GFRA2: variants seen among roughly 807,000 people sequenced by gnomAD.
GFRA2 encodes GDNF family receptor alpha-2.
In GFRA2, 17 loss-of-function variants were observed where a neutral mutation model predicts 48.3. The observed-to-expected ratio is 0.35, with a 90% confidence interval of 0.24 to 0.53. The LOEUF (loss-of-function observed/expected upper bound fraction) is 0.53. Ranked by LOEUF, GFRA2 falls within the 20% of genes least tolerant of loss-of-function variation. The pLI is 0.93. For missense variants in GFRA2, 660 were observed against 637.3 expected (o/e 1.04, Z -0.38); for synonymous variants, 305 against 257.2 (o/e 1.19, Z -1.78).
chr8:21,728,265 GTT>G (rs34490346), intron 4 of GFRA2, among the ~76,000 whole-genome samples: 7 of 65,308 alleles, frequency 1.1e-4, no homozygotes, highest in Admixed American at 2.6e-4. Flanking sequence ...CGGGAACCAG[GTT>G]TTTTTTTTTT....
chr8:21,695,935 C>G (rs972521415), intron 7 of GFRA2, among the ~76,000 whole-genome samples: 1 of 152,096 alleles, frequency 6.6e-6, no homozygotes, highest in South Asian at 2.1e-4. Context: ...TCACTTCCTA[C>G]TCTCATTGTT....
At chr8:21,727,287 G>A (rs933938919) in intron 4 of GFRA2, among the ~76,000 whole-genome samples, 1 of 152,214 alleles carries the variant, frequency 6.6e-6, no homozygotes, top group East Asian at 1.9e-4. Context: ...AGGCTCTGTT[G>A]CCATCTGGAG....
At position 21,750,362 on chromosome 8, in the gene GFRA2, G is replaced by A. The variant is rs1389058984; in HGVS notation, c.794+226C>T. Among the ~76,000 whole-genome samples the A allele has an allele frequency of 6.6e-6, 1 of 152,230 alleles. No individual in the cohort carries two copies. Among genetic ancestry groups the A allele is most frequent in the East Asian group, 1.9e-4 (1 of 5,196 alleles). On this transcript the variant is annotated intron_variant, in intron 4 of 8. Transcript: ENST00000524240. The surrounding 1 kb of genome is among the most constrained non-coding windows in gnomAD (Gnocchi z 5.7). Reference sequence around the variant, plus strand: ...AATGATAAACCTGTTCTGAGTGAATGAATGAACAAATGAATGAATAAAGAA... The same window carrying A: ...AATGATAAACCTGTTCTGAGTGAATAAATGAACAAATGAATGAATAAAGAA...
At chr8:21,800,807 T>A (rs1807756909) in intron 2 of GFRA2, among the ~76,000 whole-genome samples, 1 of 151,930 alleles carries the variant, frequency 6.6e-6, no homozygotes, top group Non-Finnish European at 1.5e-5. Flanking sequence ...ACACCAGTAG[T>A]CTCAGCTACT....
At chr8:21,737,543 A>G (rs1804529968) in intron 4 of GFRA2, among the ~76,000 whole-genome samples, 1 of 151,968 alleles carries the variant, frequency 6.6e-6, no homozygotes, top group African/African-American at 2.4e-5. Flanking sequence ...CTGCCTGTTC[A>G]GTGTCTTCCA....
chr8:21,787,567 G>T (rs1401210243), intron 1 of GFRA2, among the ~76,000 whole-genome samples: 2 of 152,174 alleles, frequency 1.3e-5, no homozygotes, highest in Non-Finnish European at 2.9e-5. Context: ...CGCGGGCTCC[G>T]TTTGCCAGGC....
intron 4 of GFRA2, among the ~76,000 whole-genome samples, chr8:21,741,538 G>A (rs940163703): frequency 6.6e-6 from 1 of 152,070 alleles, no homozygotes; most frequent in African/African-American, 2.4e-5. Context: ...AGCTCCAAGG[G>A]GGCAGAGACC....
At chr8:21,703,046 C>T in intron 6 of GFRA2, 69 bp from the exon 7 acceptor site, 1 of 985,294 alleles carries the variant, frequency 1.0e-6, no homozygotes, top group South Asian at 1.7e-5. Flanking sequence ...CCCTGCTCCT[C>T]ACACTCTTCA....
chr8:21,782,336 C>A (rs1807035736), intron 2 of GFRA2, among the ~76,000 whole-genome samples: 1 of 150,370 alleles, frequency 6.7e-6, no homozygotes, highest in Non-Finnish European at 1.5e-5. Flanking sequence ...CCTCCCACCA[C>A]CTCCCTCTCT....
intron 4 of GFRA2, among the ~76,000 whole-genome samples, chr8:21,714,531 C>G (rs543950713): frequency 3.3e-5 from 5 of 152,028 alleles, no homozygotes; most frequent in African/African-American, 1.2e-4. Flanking sequence ...AATTCCAGGC[C>G]TGACTGAAGT....
Position 21,782,631 on chromosome 8 carries a change from C to A in GFRA2, c.309G>T (p.Leu103=). Residue 103 remains leucine (L), a synonymous_variant, in exon 2 of 9, where the codon CTG becomes CTT. Coordinates refer to ENST00000524240, the MANE Select transcript of GFRA2 (RefSeq NM_001495.5). The part of the protein sequence containing the change: ...CRCKRGMKKE[L]QCLQIYWSIH... ...TGCTCCAGTAGATCTGCAGACACTG[C>A]AGCTCCTTCTTCATGCCCCGCTTGC... is the stretch of plus-strand genomic sequence containing the variant. The A allele has an allele frequency of 3.2e-6, 5 of 1,586,066 alleles. No homozygotes were observed. The highest frequency in any genetic ancestry group is 4.3e-6 in the Non-Finnish European group (5 of 1,166,770).
intron 2 of GFRA2, among the ~76,000 whole-genome samples, chr8:21,776,247 C>A (rs1184992454): frequency 6.6e-6 from 1 of 152,086 alleles, no homozygotes; most frequent in Non-Finnish European, 1.5e-5. Flanking sequence ...ACTCAACTAG[C>A]CCCCTGCAGG....
upstream of GFRA2, chr8:21,789,257 G>T (rs1807445165): frequency 6.5e-6 from 1 of 153,506 alleles, no homozygotes. Context: ...CTACGGCTCG[G>T]GCTCGAACCC....
At chr8:21,746,547 A>T (rs1231744544) in intron 4 of GFRA2, among the ~76,000 whole-genome samples, 1 of 152,114 alleles carries the variant, frequency 6.6e-6, no homozygotes, top group Non-Finnish European at 1.5e-5. Flanking sequence ...CCATGTACCT[A>T]ATTCAATAAT....
intron 7 of GFRA2, among the ~76,000 whole-genome samples, chr8:21,701,117 G>T (rs139210291): frequency 6.6e-6 from 1 of 152,226 alleles, no homozygotes; most frequent in Non-Finnish European, 1.5e-5. Flanking sequence ...ACATTGTGCC[G>T]GGCGCGGGGG....
intron 4 of GFRA2, among the ~76,000 whole-genome samples, chr8:21,744,126 C>G (rs1200204725): frequency 1.3e-5 from 2 of 152,148 alleles, no homozygotes; most frequent in African/African-American, 4.8e-5. Flanking sequence ...CCCAAGGAGC[C>G]AAGAATCAAA....
At chr8:21,715,546 A>T (rs1355026862) in intron 4 of GFRA2, among the ~76,000 whole-genome samples, 2 of 152,104 alleles carry the variant, frequency 1.3e-5, no homozygotes, top group East Asian at 3.9e-4. Context: ...TGACCTCATG[A>T]TCCACCTGCC....
intron 2 of GFRA2, among the ~76,000 whole-genome samples, chr8:21,796,510 A>AC (rs1807680522): frequency 6.6e-6 from 1 of 152,218 alleles, no homozygotes; most frequent in Non-Finnish European, 1.5e-5. Context: ...CGACTGCAGG[A>AC]CCCAGAGGGC....
intron 4 of GFRA2, among the ~76,000 whole-genome samples, chr8:21,727,860 G>C (rs954919122): frequency 8.5e-5 from 13 of 152,120 alleles, no homozygotes; most frequent in Non-Finnish European, 1.6e-4. Flanking sequence ...AAACAAACGG[G>C]GGTTATTTTC....
Sources: gnomAD v4.1 joint callset for allele counts (sites outside exome capture counted in the v4.1 genomes callset) on GRCh38, gnomAD v4.1.1 for gene constraint, Gnocchi (gnomAD v3.1) non-coding constraint, MANE v1.5 for transcripts, NCBI Gene and HGNC (gene_info 2026-07-23, HGNC 2026-07-21) for gene names.